DDX52: variants seen among roughly 807,000 people sequenced by gnomAD.
DDX52 encodes probable ATP-dependent RNA helicase DDX52.
In DDX52, 59 loss-of-function variants were observed where a neutral mutation model predicts 76.1. The ratio of observed to expected loss-of-function variants is 0.78; its 90% CI spans 0.63 to 0.96. The LOEUF (loss-of-function observed/expected upper bound fraction) is 0.96, where lower values mean the gene tolerates loss of function less well. DDX52 is among the 40% of genes least tolerant of loss of function. DDX52 has a pLI of 0.00. For synonymous variants in DDX52, 231 were observed against 244.1 expected, an observed-to-expected ratio of 0.95 and a Z score of 0.50; for missense variants, 707 against 703.9, an observed-to-expected ratio of 1.00 and a Z score of -0.05.
intron 2 of DDX52, among the ~76,000 whole-genome samples, chr17:37,637,072 CT>C (rs2030963931): frequency 6.6e-6 from 1 of 152,192 alleles, no homozygotes; most frequent in African/African-American, 2.4e-5. Context: ...TAAAGCAATC[CT>C]CCTGTCTCAG....
intron 8 of DDX52, 118 bp from the exon 9 acceptor site, chr17:37,624,552 A>G: frequency 1.6e-6 from 1 of 611,782 alleles, no homozygotes; most frequent in Middle Eastern, 3.4e-4. Flanking sequence ...TCCACTGTCA[A>G]TATTAATAAG....
intron 2 of DDX52, among the ~76,000 whole-genome samples, chr17:37,639,194 A>C (rs1335977281): frequency 2.0e-5 from 3 of 152,200 alleles, no homozygotes; most frequent in African/African-American, 7.2e-5. Context: ...TAATTTCCTC[A>C]ATATATGAGG....
At chr17:37,630,502 A>G in intron 4 of DDX52, among the ~76,000 whole-genome samples, 1 of 152,172 alleles carries the variant, frequency 6.6e-6, no homozygotes, top group South Asian at 2.1e-4. Flanking sequence ...TATAAAACCA[A>G]CTTTTTGTCC....
rs773468322 is a variant in DDX52 at position 37,642,099 on chromosome 17, C to G, written c.286+11G>C. On this transcript the variant is annotated intron_variant, in intron 2 of 14. Coordinates refer to ENST00000617633, the MANE Select transcript of DDX52 (RefSeq NM_007010.5). ...TAAAGAGAAAAAACATGACAGAAAT[C>G]AAACACTAACCTGAAGTCATCGTCT... 8 of 1,610,256 alleles carry G rather than the reference C, an allele frequency of 5.0e-6. No homozygotes were observed. The South Asian group carries it at 7.8e-5, about 16-fold the overall frequency.
intron 14 of DDX52, among the ~76,000 whole-genome samples, chr17:37,617,976 G>A (rs2029884505): frequency 6.6e-6 from 1 of 152,072 alleles, no homozygotes; most frequent in Non-Finnish European, 1.5e-5. Flanking sequence ...ATAGCTGGGT[G>A]TGGTGGCGGG....
intron 5 of DDX52, among the ~76,000 whole-genome samples, chr17:37,629,228 T>TACACACACACACAC (rs10661586): frequency 7.5e-6 from 1 of 133,876 alleles, no homozygotes; most frequent in Non-Finnish European, 1.6e-5. Flanking sequence ...CAAGAAAAAA[T>TACACACACACACAC]ACACACACAC....
At position 37,643,345 on chromosome 17, in the gene DDX52, C is replaced by A; in HGVS notation, c.76G>T (p.Ala26Ser). 3.1e-6 allele frequency: 5 copies of A among 1,613,862 alleles called. No homozygotes were observed. The South Asian group carries it at 4.4e-5, about 14-fold the overall frequency. Residue 26 changes from alanine (A) to serine (S), a missense_variant, in exon 1 of 15, where the codon GCT becomes TCT. Ala to Ser is a moderately conservative substitution (Grantham distance 99). Transcript: ENST00000617633. The stretch of plus-strand genomic sequence containing the variant: ...CTTGGGCACAGTACCTGGAATCGAG[C>A]TGCGTCTGCCGAGAAGCGTCTCGTG... Reference protein sequence around the residue: ...FDTRRFSADAARFQIGKRKYD... With the variant: ...FDTRRFSADASRFQIGKRKYD...
chr17:37,621,780 T>C (rs1212145820), intron 9 of DDX52, among the ~76,000 whole-genome samples: 1 of 152,234 alleles, frequency 6.6e-6, no homozygotes, highest in Non-Finnish European at 1.5e-5. Context: ...CACCCCACTA[T>C]GGTAACAGAT....
chr17:37,635,257 ATATT>A (rs2030872814), intron 2 of DDX52, among the ~76,000 whole-genome samples: 1 of 152,078 alleles, frequency 6.6e-6, no homozygotes, highest in Non-Finnish European at 1.5e-5. Context: ...TAATCTGCAT[ATATT>A]TAAAGTATCT....
Position 37,621,645 on chromosome 17 carries a change from T to G in DDX52, c.1228-125A>C. 5 of 1,270,810 alleles carry G rather than the reference T, an allele frequency of 3.9e-6. No individual in the cohort carries two copies. The South Asian group carries it at 6.4e-5, about 16-fold the overall frequency. The allele number at this position is 1,270,810 out of a possible 1,614,324, so 78.7% of individuals were successfully genotyped here. A position where few individuals can be genotyped will look rare whatever the true frequency, so the allele number is the denominator to read the frequency against. ...AGTGTACTTTCTTGGCCAAATTTCT[T>G]GGGCTAGTGGTCTAATTCTGCCTCC... On this transcript the variant is annotated intron_variant, in intron 9 of 14. Transcript: ENST00000617633.
Position 37,619,842 on chromosome 17 carries a change from G to A in DDX52, c.1578-3C>T. On this transcript the variant is annotated splice_region_variant and splice_polypyrimidine_tract_variant and intron_variant, in intron 12 of 14. Coordinates refer to ENST00000617633, the MANE Select transcript of DDX52 (RefSeq NM_007010.5). ...CCTGCTGTATAACATTAGCAACGCTGAAAAAGAAACCCATAAACATAAACT... is the reference window on the plus strand; with the variant it reads ...CCTGCTGTATAACATTAGCAACGCTAAAAAAGAAACCCATAAACATAAACT... 6.2e-7 allele frequency: 1 copy of A among 1,612,072 alleles called. No individual in the cohort carries two copies. Among genetic ancestry groups the A allele is most frequent in the South Asian group, 1.1e-5 (1 of 90,856 alleles).
chr17:37,632,956 AAC>A (rs1465399893), intron 3 of DDX52, among the ~76,000 whole-genome samples: 2 of 152,242 alleles, frequency 1.3e-5, no homozygotes, highest in African/African-American at 2.4e-5. Flanking sequence ...CGGTGAGCTC[AAC>A]AGAGAAGAAA....
Position 37,643,319 on chromosome 17 carries a change from C to T in DDX52, c.87+15G>A, listed in dbSNP as rs2031287816. ...CTTCTCAGTTACTCGGCCCTCGGTCCCTTGGGCACAGTACCTGGAATCGAG... is the reference window on the plus strand; with the variant it reads ...CTTCTCAGTTACTCGGCCCTCGGTCTCTTGGGCACAGTACCTGGAATCGAG... On this transcript the variant is annotated intron_variant, in intron 1 of 14. Coordinates refer to ENST00000617633, the MANE Select transcript of DDX52 (RefSeq NM_007010.5). 5 of 1,610,154 alleles carry T rather than the reference C, an allele frequency of 3.1e-6. No homozygotes were observed. Among genetic ancestry groups the T allele is most frequent in the Non-Finnish European group, 4.2e-6 (5 of 1,177,222 alleles).
chr17:37,616,427 A>G (rs903741557), intron 14 of DDX52, among the ~76,000 whole-genome samples: 1 of 152,140 alleles, frequency 6.6e-6, no homozygotes, highest in Non-Finnish European at 1.5e-5. Flanking sequence ...GGGAGATCAC[A>G]TGAGGCCAGG....
intron 6 of DDX52, 93 bp downstream of exon 6, chr17:37,628,468 T>C (rs940410300): frequency 9.4e-7 from 1 of 1,067,840 alleles, no homozygotes; most frequent in South Asian, 1.4e-5. Context: ...CATACATGAC[T>C]ATACTTTAAC....
chr17:37,633,780 T>C (rs1019505619), intron 2 of DDX52, among the ~76,000 whole-genome samples: 1 of 152,110 alleles, frequency 6.6e-6, no homozygotes, highest in Non-Finnish European at 1.5e-5. Context: ...TAATAGGATG[T>C]ATAAAAATGG....
At chr17:37,623,615 C>T (rs540012613) in intron 9 of DDX52, among the ~76,000 whole-genome samples, 14 of 152,048 alleles carry the variant, frequency 9.2e-5, no homozygotes, top group African/African-American at 3.1e-4. Flanking sequence ...CTCCCCCAGC[C>T]GTCAATGCTC....
chr17:37,610,025 C>T lies in DDX52; in HGVS notation c.*4271G>A, dbSNP rs968034655. On this transcript the variant is annotated 3_prime_UTR_variant, in exon 15 of 15. Transcript: ENST00000617633. ...TTGGTTCTGCCATCCTGCCACCTTA[C>T]AGTCCTTTTGTTTTTCCTATTCTTG... 3 of 152,260 alleles carry T rather than the reference C, an allele frequency of 2.0e-5. No homozygotes were observed. The highest frequency in any genetic ancestry group is 7.2e-5 in the African/African-American group (3 of 41,466). The allele number at this position is 152,260 out of a possible 1,614,324, so 9.4% of individuals were successfully genotyped here.
chr17:37,629,274 CACAT>C lies in DDX52; in HGVS notation c.748-606_748-603del, dbSNP rs1211442536. On this transcript the variant is annotated intron_variant, in intron 5 of 14. Transcript: ENST00000617633. ...ACACACACACACACACACACACACA[CACAT>C]AGTACTATTACAAGACTATTTCATA... 7.8e-3 allele frequency among the ~76,000 whole-genome samples: 866 copies of C among 110,784 alleles called. 15 individuals carry two copies. Among genetic ancestry groups the C allele is most frequent in the African/African-American group, 0.035 (713 of 20,444 alleles). The allele number at this position is 110,784 out of a possible 152,430, so 72.7% of individuals were successfully genotyped here. A position where few individuals can be genotyped will look rare whatever the true frequency, so the allele number is the denominator to read the frequency against.
Sources: allele counts gnomAD v4.1 joint callset (sites outside exome capture counted in the v4.1 genomes callset), GRCh38; gene constraint gnomAD v4.1.1; transcripts MANE v1.5; gene names NCBI Gene and HGNC (gene_info 2026-07-23, HGNC 2026-07-21).